The following VSIG10L2 variants were observed in gnomAD, a reference collection of about 807,000 sequenced individuals.
The protein encoded by VSIG10L2 is V-set and immunoglobulin domain-containing protein 10-like 2.
A neutral mutation model predicts 67.1 loss-of-function variants in VSIG10L2; 56 were observed. That is an observed-to-expected ratio of 0.83 (90% confidence interval 0.67 to 1.04). The LOEUF is 1.04. VSIG10L2 is among the 50% of genes least tolerant of loss of function. The probability of loss-of-function intolerance (pLI) is 0.00; values close to 1 mark genes in which losing one functional copy is unlikely to be tolerated. For synonymous variants in VSIG10L2, 360 were observed against 396.6 expected (o/e 0.91, Z 1.10); for missense variants, 843 against 932.8 (o/e 0.90, Z 1.25).
At chr11:125,949,536 A>T (rs1343785036) in intron 3 of VSIG10L2, among the ~76,000 whole-genome samples, 3 of 152,192 alleles carry the variant, frequency 2.0e-5, no homozygotes, top group African/African-American at 7.2e-5. Context: ...TTTTGGAGTC[A>T]GGGAGAGCTT....
rs765981350 is a variant in VSIG10L2, at chr11:125,955,661, C to T, written c.2278C>T (p.Pro760Ser). 178 of 1,532,942 alleles carry T rather than the reference C, an allele frequency of 1.2e-4. No individual in the cohort carries two copies. The highest frequency in any genetic ancestry group is 1.7e-4 in the Middle Eastern group (1 of 5,996). 95.0% of individuals were successfully genotyped at this position (1,532,942 alleles called of 1,614,324 possible). The change falls in exon 11 of 12, where the codon CCG (proline) becomes TCG (serine). Residue 760 changes from proline to serine, a missense_variant. Coordinates refer to ENST00000686984, the MANE Select transcript of VSIG10L2 (RefSeq NM_001365077.2). ...GGGTTCCAGAGAAGATGCTGAGGCA[C>T]CGGCAGGTAAGCACCTTATCCAGAA... ...QRGSREDAEA[P>S]AGLETPTTTP...
At chr11:125,948,121 TGC>T in intron 2 of VSIG10L2, 85 bp downstream of exon 2, 4 of 1,230,678 alleles carry the variant, frequency 3.3e-6, no homozygotes, top group Non-Finnish European at 4.1e-6. Context: ...TTTGTGTGTG[TGC>T]GGGACCCAGG....
chr11:125,955,301 C>A (rs1427505866), intron 9 of VSIG10L2, 122 bp downstream of exon 9: 24 of 1,287,670 alleles, frequency 1.9e-5, no homozygotes, highest in Middle Eastern at 2.8e-4. Flanking sequence ...TTAATTCAGA[C>A]CCTCTCCCCA....
rs961007239 is a variant in VSIG10L2 at position 125,947,919 on chromosome 11, A to G, written c.316A>G (p.Ser106Gly). 1 of 1,232,332 alleles carries G rather than the reference A, an allele frequency of 8.1e-7. No individual in the cohort carries two copies. The highest frequency in any genetic ancestry group is 1.0e-6 in the Non-Finnish European group (1 of 988,090). 76.3% of individuals were successfully genotyped at this position (1,232,332 alleles called of 1,614,324 possible). The part of the protein sequence containing the change: ...ALGVVSLRNS[S>G]LVLGELHEGA... ...GGGAGTCGTGAGTCTGAGGAACAGC[A>G]GCCTGGTGCTGGGGGAGCTTCACGA... Residue 106 changes from serine (S) to glycine (G), a missense_variant, in exon 2 of 12, where the codon AGC becomes GGC. Ser to Gly is a moderately conservative substitution (Grantham distance 56). Coordinates refer to ENST00000686984, the MANE Select transcript of VSIG10L2 (RefSeq NM_001365077.2).
At position 125,955,916 on chromosome 11, in the gene VSIG10L2, G is replaced by A. The variant is rs746752609; in HGVS notation, c.*2G>A. 9.2e-6 allele frequency: 6 copies of A among 654,026 alleles called. No homozygotes were observed. In the Admixed American group the frequency reaches 1.2e-4, roughly 13 times the overall value. 40.5% of individuals were successfully genotyped at this position (654,026 alleles called of 1,614,324 possible). A position where few individuals can be genotyped will look rare whatever the true frequency, so the allele number is the denominator to read the frequency against. On this transcript the variant is annotated 3_prime_UTR_variant, in exon 12 of 12. Coordinates refer to ENST00000686984, the MANE Select transcript of VSIG10L2 (RefSeq NM_001365077.2). The stretch of plus-strand genomic sequence containing the variant: ...ATCACAGTGACTGCAACACCATAAG[G>A]CCCAAAGAGGAAGATGCAAATAGGC...
intron 9 of VSIG10L2, 89 bp downstream of exon 9, chr11:125,955,268 G>C (rs528832297): frequency 1.5e-6 from 2 of 1,308,632 alleles, no homozygotes; most frequent in African/African-American, 3.0e-5. Flanking sequence ...GCACTCCCGG[G>C]GGAGAAGAAT....
At chr11:125,950,482 G>T (rs1451180855) in intron 4 of VSIG10L2, among the ~76,000 whole-genome samples, 193 bp downstream of exon 4, 1 of 152,042 alleles carries the variant, frequency 6.6e-6, no homozygotes, top group African/African-American at 2.4e-5. Context: ...TGTGGGAAGG[G>T]GAAGGGGAAG....
chr11:125,953,780 T>C, intron 7 of VSIG10L2, 90 bp downstream of exon 7: 1 of 1,190,400 alleles, frequency 8.4e-7, no homozygotes, highest in Non-Finnish European at 1.1e-6. Flanking sequence ...GGCACAAGGA[T>C]TCCCTGCTCC....
chr11:125,947,904 A>G lies in VSIG10L2; in HGVS notation c.301A>G (p.Ser101Gly). Residue 101 changes from serine (S) to glycine (G), a missense_variant, in exon 2 of 12, where the codon AGT becomes GGT. Transcript: ENST00000686984. ...EAIASALGVVSLRNSSLVLGE... is the reference protein window; with the variant it reads ...EAIASALGVVGLRNSSLVLGE... ...CATCGCCTCGGCTCTGGGAGTCGTG[A>G]GTCTGAGGAACAGCAGCCTGGTGCT... 8.1e-7 allele frequency: 1 copy of G among 1,232,264 alleles called. No individual in the cohort carries two copies. The highest frequency in any genetic ancestry group is 1.0e-6 in the Non-Finnish European group (1 of 988,068). 76.3% of individuals were successfully genotyped at this position (1,232,264 alleles called of 1,614,324 possible).
chr11:125,949,872 C>T (rs930108217), intron 3 of VSIG10L2, 142 bp from the exon 4 acceptor site: 2 of 894,850 alleles, frequency 2.2e-6, no homozygotes, highest in African/African-American at 1.7e-5. Context: ...ACTCTGAGCT[C>T]TAAGAGGGCC....
chr11:125,948,003 G>A lies in VSIG10L2; in HGVS notation c.400G>A (p.Ala134Thr), dbSNP rs1234142197. 9.7e-6 allele frequency: 12 copies of A among 1,232,288 alleles called. No individual in the cohort carries two copies. Among genetic ancestry groups the A allele is most frequent in the Non-Finnish European group, 8.1e-6 (8 of 988,068 alleles). The allele number at this position is 1,232,288 out of a possible 1,614,324, so 76.3% of individuals were successfully genotyped here. The change falls in exon 2 of 12, where the codon GCT becomes ACT. Residue 134 changes from alanine to threonine, a missense_variant. Transcript: ENST00000686984. ...VLHVAGGQLH[A>T]AYSHLTLAVL... ...GCACGTGGCTGGCGGCCAGCTCCAC[G>A]CTGCCTACTCCCACCTCACGCTGGC... is the stretch of plus-strand genomic sequence containing the variant.
rs1261102005 is a variant in VSIG10L2 at position 125,953,441 on chromosome 11, T to C, written c.1537T>C (p.Leu513=). The C allele has an allele frequency of 4.9e-6, 6 of 1,232,106 alleles. No individual in the cohort carries two copies. The East Asian group carries it at 1.6e-4, about 32-fold the overall frequency. The allele number at this position is 1,232,106 out of a possible 1,614,324, so 76.3% of individuals were successfully genotyped here. ...LDVAEPRVSV[L]EGGEAWLECS... ...CGTGGCTGAGCCCCGCGTGTCAGTG[T>C]TGGAGGGGGGAGAGGCCTGGCTGGA... Residue 513 remains leucine (L), a synonymous_variant, in exon 7 of 12, where the codon TTG becomes CTG. Coordinates refer to ENST00000686984, the MANE Select transcript of VSIG10L2 (RefSeq NM_001365077.2).
chr11:125,954,039 G>A (rs1421909404), intron 7 of VSIG10L2, 48 bp from the exon 8 acceptor site: 29 of 1,223,182 alleles, frequency 2.4e-5, no homozygotes, highest in African/African-American at 1.4e-4. Context: ...ACAAGGTCAC[G>A]TGGTTGTAGG....
At chr11:125,954,977 C>G in intron 8 of VSIG10L2, 80 bp from the exon 9 acceptor site, 4 of 1,224,356 alleles carry the variant, frequency 3.3e-6, no homozygotes, top group East Asian at 3.2e-5. Context: ...TCTCCAGAAC[C>G]CTAGTGGTTC....
chr11:125,956,004 G>A lies in VSIG10L2; in HGVS notation c.*90G>A, dbSNP rs749137363. ...GTCAGACTTTGGTCATAAAACCAAC[G>A]TAGCTAAGACACCAACTACCACTTT... On this transcript the variant is annotated 3_prime_UTR_variant, in exon 12 of 12. Transcript: ENST00000686984. The A allele has an allele frequency of 3.8e-5, 25 of 651,124 alleles. No individual in the cohort carries two copies. Among genetic ancestry groups the A allele is most frequent in the African/African-American group, 7.2e-5 (4 of 55,360 alleles). The allele number at this position is 651,124 out of a possible 1,614,324, so 40.3% of individuals were successfully genotyped here. A position where few individuals can be genotyped will look rare whatever the true frequency, so the allele number is the denominator to read the frequency against.
intron 10 of VSIG10L2, 41 bp from the exon 11 acceptor site, chr11:125,955,574 A>C: frequency 6.7e-7 from 1 of 1,483,558 alleles, no homozygotes; most frequent in Non-Finnish European, 9.0e-7. Context: ...AAGCGAGGGA[A>C]GTGAGTTGCC....
At position 125,954,058 on chromosome 11, in the gene VSIG10L2, T is replaced by C. The variant is rs1315933160; in HGVS notation, c.1787-29T>C. The C allele has an allele frequency of 2.7e-5, 33 of 1,231,444 alleles. No homozygotes were observed. The South Asian group carries it at 3.3e-4, about 12-fold the overall frequency. The allele number at this position is 1,231,444 out of a possible 1,614,324, so 76.3% of individuals were successfully genotyped here. A position where few individuals can be genotyped will look rare whatever the true frequency, so the allele number is the denominator to read the frequency against. On this transcript the variant is annotated intron_variant, in intron 7 of 11. Transcript: ENST00000686984. Reference sequence around the variant, plus strand: ...GGTCACGTGGTTGTAGGTATACATGTCCCTTGTTTTGTCCCCACCCTCACC... The same window carrying C: ...GGTCACGTGGTTGTAGGTATACATGCCCCTTGTTTTGTCCCCACCCTCACC...
At chr11:125,948,108 C>T (rs1945320189) in intron 2 of VSIG10L2, 72 bp downstream of exon 2, 1 of 1,232,154 alleles carries the variant, frequency 8.1e-7, no homozygotes, top group Non-Finnish European at 1.0e-6. Flanking sequence ...GCTGCCCATT[C>T]CCTTTGTGTG....
intron 3 of VSIG10L2, 105 bp from the exon 4 acceptor site, chr11:125,949,909 G>GCATA: frequency 1.7e-6 from 2 of 1,144,984 alleles, no homozygotes; most frequent in Non-Finnish European, 2.2e-6. Flanking sequence ...ACGGGCCAGT[G>GCATA]CATACTACAT....
Sources: gnomAD v4.1 joint callset for allele counts (sites outside exome capture counted in the v4.1 genomes callset) on GRCh38, gnomAD v4.1.1 for gene constraint, MANE v1.5 for transcripts, NCBI Gene and HGNC (gene_info 2026-07-23, HGNC 2026-07-21) for gene names.